The following ZNF804B variants were observed in gnomAD, a reference collection of about 807,000 sequenced individuals.
ZNF804B encodes the protein zinc finger protein 804B.
A neutral mutation model predicts 101.4 loss-of-function variants in ZNF804B; 80 were observed. The ratio of observed to expected loss-of-function variants is 0.79; its 90% CI spans 0.66 to 0.95. The LOEUF (loss-of-function observed/expected upper bound fraction) is 0.95, where lower values mean the gene tolerates loss of function less well. ZNF804B is among the 40% of genes least tolerant of loss of function. ZNF804B has a pLI of 0.00. For missense variants in ZNF804B, 1,673 were observed against 1,561.9 expected, an observed-to-expected ratio of 1.07 and a Z score of -1.20; for synonymous variants, 622 against 558.8, an observed-to-expected ratio of 1.11 and a Z score of -1.59.
At chr7:88,830,227 G>A (rs369145004) in intron 1 of ZNF804B, among the ~76,000 whole-genome samples, 1 of 152,060 alleles carries the variant, frequency 6.6e-6, no homozygotes, top group African/African-American at 2.4e-5. Flanking sequence ...CTCAAATTAT[G>A]TAATTAAAAT....
At chr7:88,772,200 C>T (rs986606066) in intron 1 of ZNF804B, among the ~76,000 whole-genome samples, 2 of 152,058 alleles carry the variant, frequency 1.3e-5, no homozygotes, top group African/African-American at 4.8e-5. Flanking sequence ...TGTATAATAT[C>T]CCTGGGAGAA....
At chr7:88,940,507 C>T (rs1793039995) in intron 1 of ZNF804B, among the ~76,000 whole-genome samples, 1 of 151,920 alleles carries the variant, frequency 6.6e-6, no homozygotes, top group East Asian at 1.9e-4. Context: ...TGTGGTGGCT[C>T]ACGCCTATAA....
At chr7:89,080,726 C>A (rs1294696233) in intron 1 of ZNF804B, among the ~76,000 whole-genome samples, 1 of 151,892 alleles carries the variant, frequency 6.6e-6, no homozygotes, top group Non-Finnish European at 1.5e-5. Flanking sequence ...ATCTAGAAAT[C>A]CCAAGGAATA....
At chr7:89,266,212 C>T (rs991566637) in intron 2 of ZNF804B, among the ~76,000 whole-genome samples, 2 of 152,066 alleles carry the variant, frequency 1.3e-5, no homozygotes, top group Non-Finnish European at 2.9e-5. Context: ...GCCCTAACAC[C>T]CCTGCTGTTG....
intron 2 of ZNF804B, among the ~76,000 whole-genome samples, chr7:89,242,088 C>T (rs1030168184): frequency 2.0e-5 from 3 of 151,864 alleles, no homozygotes; most frequent in African/African-American, 7.2e-5. Context: ...TTATTTCAAT[C>T]AAAGTGCATA....
chr7:89,153,429 GATAATAATA>G (rs58654760), intron 1 of ZNF804B, among the ~76,000 whole-genome samples: 19,621 of 145,390 alleles, frequency 0.13, 1,478 homozygotes, highest in South Asian at 0.24. Flanking sequence ...TGATGATGAT[GATAATAATA>G]ATAATAATAA....
At chr7:89,290,960 A>T (rs528413209) in intron 2 of ZNF804B, among the ~76,000 whole-genome samples, 2 of 152,158 alleles carry the variant, frequency 1.3e-5, no homozygotes, top group Non-Finnish European at 2.9e-5. Flanking sequence ...TTTTGGAAGA[A>T]CATAATGGAA....
chr7:89,238,768 A>G (rs1789320047), intron 2 of ZNF804B, among the ~76,000 whole-genome samples: 1 of 152,168 alleles, frequency 6.6e-6, no homozygotes, highest in Non-Finnish European at 1.5e-5. Context: ...ACATTAAGGA[A>G]CTAGTGATGT....
chr7:88,843,419 C>T (rs17574755), intron 1 of ZNF804B, among the ~76,000 whole-genome samples: 83,858 of 151,896 alleles, frequency 0.55, 26,778 homozygotes, highest in African/African-American at 0.87. Context: ...ATAAATAATT[C>T]TTAAAGAGTA....
At chr7:89,314,176 G>T (rs1224714102) in intron 2 of ZNF804B, among the ~76,000 whole-genome samples, 1 of 152,100 alleles carries the variant, frequency 6.6e-6, no homozygotes, top group African/African-American at 2.4e-5. Flanking sequence ...ACTCTAAAGT[G>T]ACATGAAATC....
intron 1 of ZNF804B, among the ~76,000 whole-genome samples, chr7:89,146,891 G>T (rs1030679849): frequency 2.2e-4 from 34 of 151,626 alleles, no homozygotes; most frequent in African/African-American, 7.8e-4. Flanking sequence ...AGCTGGGCAT[G>T]GTTGTTTGCA....
intron 1 of ZNF804B, among the ~76,000 whole-genome samples, chr7:89,053,011 C>A (rs543936298): frequency 1.3e-5 from 2 of 152,278 alleles, no homozygotes; most frequent in South Asian, 4.1e-4. Flanking sequence ...TCTTCTTTAA[C>A]ATTAAATCGT....
In ZNF804B at chr7:89,337,759, A is replaced by G. The variant is rs1027565171; in HGVS notation, c.*727A>G. ...TTTTGTATAAAAACATATACAAACTATCATTAGTATTTGATAATGCAAACT... is the reference window on the plus strand; with the variant it reads ...TTTTGTATAAAAACATATACAAACTGTCATTAGTATTTGATAATGCAAACT... On this transcript the variant is annotated 3_prime_UTR_variant, in exon 4 of 4. Transcript: ENST00000333190. Among the ~76,000 whole-genome samples, 17 of 152,138 alleles carry G rather than the reference A, an allele frequency of 1.1e-4. No homozygotes were observed. The highest frequency in any genetic ancestry group is 3.6e-4 in the African/African-American group (15 of 41,454).
chr7:89,024,996 G>A (rs549799439), intron 1 of ZNF804B, among the ~76,000 whole-genome samples: 19 of 152,146 alleles, frequency 1.2e-4, no homozygotes, highest in Admixed American at 3.3e-4. Flanking sequence ...TATAGATGCA[G>A]CCGTACAACC....
intron 1 of ZNF804B, among the ~76,000 whole-genome samples, chr7:89,015,305 T>C (rs1788529666): frequency 1.3e-5 from 2 of 151,496 alleles, no homozygotes; most frequent in African/African-American, 4.8e-5. Context: ...TGTTTCTTTT[T>C]TCTTTTTTTT....
At chr7:89,101,574 G>T (rs1021378432) in intron 1 of ZNF804B, among the ~76,000 whole-genome samples, 3 of 151,682 alleles carry the variant, frequency 2.0e-5, no homozygotes, top group African/African-American at 7.3e-5. Context: ...AACCTAAAAA[G>T]CATACAAAAT....
chr7:88,899,073 C>T (rs993653638), intron 1 of ZNF804B, among the ~76,000 whole-genome samples: 1 of 152,138 alleles, frequency 6.6e-6, no homozygotes, highest in Non-Finnish European at 1.5e-5. Context: ...GAGCCCTTTC[C>T]TTTCTTTAGA....
chr7:89,126,640 A>G (rs562032131), intron 1 of ZNF804B, among the ~76,000 whole-genome samples: 9 of 151,768 alleles, frequency 5.9e-5, no homozygotes, highest in African/African-American at 2.2e-4. Flanking sequence ...TTTTTGAATT[A>G]TGGTATTTGT....
At chr7:88,938,229 TA>T (rs1006261490) in intron 1 of ZNF804B, among the ~76,000 whole-genome samples, 63 of 152,126 alleles carry the variant, frequency 4.1e-4, no homozygotes, top group African/African-American at 1.4e-3. Context: ...CAGGTTAAGA[TA>T]AAAGATTGTG....
Sources: gnomAD v4.1 joint callset for allele counts (sites outside exome capture counted in the v4.1 genomes callset) on GRCh38, gnomAD v4.1.1 for gene constraint, MANE v1.5 for transcripts, NCBI Gene and HGNC (gene_info 2026-07-23, HGNC 2026-07-21) for gene names.